The following PPP2R2B variants were observed in gnomAD, a reference collection of about 807,000 sequenced individuals.
PPP2R2B encodes serine/threonine-protein phosphatase 2A 55 kDa regulatory subunit B beta isoform.
PPP2R2B carries 5 observed loss-of-function variants against 46.0 expected under a neutral mutation model. The ratio of observed to expected loss-of-function variants is 0.11; its 90% CI spans 0.06 to 0.23. PPP2R2B has a LOEUF of 0.23. PPP2R2B is among the 10% of genes least tolerant of loss of function. The probability of loss-of-function intolerance (pLI) is 1.00; values close to 1 mark genes in which losing one functional copy is unlikely to be tolerated. For missense variants in PPP2R2B, 367 were observed against 575.0 expected (o/e 0.64, Z 3.70); for synonymous variants, 215 against 206.7 (o/e 1.04, Z -0.34).
chr5:146,928,028 C>T (rs1278211054), intron 1 of PPP2R2B, among the ~76,000 whole-genome samples: 1 of 152,160 alleles, frequency 6.6e-6, no homozygotes, highest in Non-Finnish European at 1.5e-5. Flanking sequence ...GCCTGAGCCA[C>T]CACACCTGAC....
At chr5:147,006,039 C>A (rs556493370) in intron 1 of PPP2R2B, among the ~76,000 whole-genome samples, 2 of 152,148 alleles carry the variant, frequency 1.3e-5, no homozygotes, top group Non-Finnish European at 2.9e-5. Context: ...CTTAACCCAG[C>A]AGGTTTCCTA....
intron 2 of PPP2R2B, among the ~76,000 whole-genome samples, chr5:146,722,600 T>C (rs1751599045): frequency 1.3e-5 from 2 of 152,274 alleles, no homozygotes; most frequent in South Asian, 4.1e-4. Context: ...CTAACAGAAG[T>C]AGGTGAAATC....
rs1304833109 is a variant in PPP2R2B at position 146,589,962 on chromosome 5, C to T, written c.1317G>A (p.Gln439=). The part of the protein sequence containing the change: ...VAATNNLYIF[Q]DKVN ...ACTTGTCCACCTAGTTAACCTTGTC[C>T]TGGAATATATATAGGTTATTTGTAG... Residue 439 remains glutamine (Q), a synonymous_variant, in exon 10 of 10, where the codon CAG becomes CAA. Coordinates refer to ENST00000394411, the MANE Select transcript of PPP2R2B (RefSeq NM_181675.4). 2 of 1,613,504 alleles carry T rather than the reference C, an allele frequency of 1.2e-6. No homozygotes were observed. Among genetic ancestry groups the T allele is most frequent in the Non-Finnish European group, 8.5e-7 (1 of 1,179,598 alleles).
chr5:146,954,756 ATGTGTGTG>A (rs149370877), intron 1 of PPP2R2B, among the ~76,000 whole-genome samples: 50 of 146,750 alleles, frequency 3.4e-4, no homozygotes, highest in East Asian at 1.0e-3. Flanking sequence ...ATGTGTATAT[ATGTGTGTG>A]TGTGTGTGTG....
At chr5:146,642,280 T>C (rs910349525) in intron 6 of PPP2R2B, among the ~76,000 whole-genome samples, 3 of 152,130 alleles carry the variant, frequency 2.0e-5, no homozygotes, top group African/African-American at 7.2e-5. Flanking sequence ...CCTTAAGGGA[T>C]CCACTTCAAA....
At position 146,858,030 on chromosome 5, in the gene PPP2R2B, A is replaced by G. The variant is rs572303029; in HGVS notation, c.70+19972T>C. Among the ~76,000 whole-genome samples the G allele has an allele frequency of 3.9e-5, 6 of 152,340 alleles. No homozygotes were observed. The East Asian group carries it at 1.2e-3, about 29-fold the overall frequency. On this transcript the variant is annotated intron_variant, in intron 2 of 9. Transcript: ENST00000394411. ...TAAAAATACAGCTTAACATTTAGCA[A>G]TTACTACCTACTATTTTCCTGGGAC... is the stretch of plus-strand genomic sequence containing the variant.
chr5:146,845,321 T>TGTTTTTA (rs1663887589), intron 2 of PPP2R2B, among the ~76,000 whole-genome samples: 1 of 57,764 alleles, frequency 1.7e-5, no homozygotes, highest in African/African-American at 4.8e-5. Context: ...TTTGTTTTTT[T>TGTTTTTA]TTGAGATGGA....
intron 2 of PPP2R2B, among the ~76,000 whole-genome samples, chr5:146,725,731 T>C (rs762473659): frequency 2.0e-5 from 3 of 152,214 alleles, no homozygotes; most frequent in Non-Finnish European, 2.9e-5. Flanking sequence ...TTTCACTTGT[T>C]AAAATAGTTA....
chr5:147,043,463 A>G (rs997979), intron 1 of PPP2R2B, among the ~76,000 whole-genome samples: 110,303 of 151,834 alleles, frequency 0.73, 40,489 homozygotes, highest in South Asian at 0.8. Flanking sequence ...AAGGAGAGAG[A>G]CCCTAGGAGA....
chr5:146,938,859 C>A (rs10065490), intron 1 of PPP2R2B, among the ~76,000 whole-genome samples: 1 of 140,686 alleles, frequency 7.1e-6, no homozygotes, highest in Non-Finnish European at 1.5e-5. Flanking sequence ...CAGCTCACTG[C>A]AACCTCCACC....
chr5:146,684,406 C>A (rs77859232), intron 5 of PPP2R2B, among the ~76,000 whole-genome samples: 1 of 152,176 alleles, frequency 6.6e-6, no homozygotes. Context: ...ACATAGGTAC[C>A]TCAGAGGGAG....
rs182355152 is a variant in PPP2R2B, at chr5:146,804,232, G to A, written c.70+73770C>T. Among the ~76,000 whole-genome samples the A allele has an allele frequency of 5.9e-5, 9 of 151,932 alleles. No homozygotes were observed. In the East Asian group the frequency reaches 1.7e-3, roughly 29 times the overall value. On this transcript the variant is annotated intron_variant, in intron 2 of 9. Coordinates refer to ENST00000394411, the MANE Select transcript of PPP2R2B (RefSeq NM_181675.4). ...ACATTTATTGAGCACTACTTCCTAT[G>A]CACTAGGCATTGTTATAGGCATTTT...
intron 2 of PPP2R2B, among the ~76,000 whole-genome samples, chr5:146,807,694 A>G (rs1757257930): frequency 6.8e-6 from 1 of 146,880 alleles, no homozygotes; most frequent in South Asian, 2.2e-4. Flanking sequence ...TTGAATACAG[A>G]TCTGACTCAC....
At chr5:146,603,497 A>G (rs964482941) in intron 7 of PPP2R2B, among the ~76,000 whole-genome samples, 1 of 152,234 alleles carries the variant, frequency 6.6e-6, no homozygotes, top group African/African-American at 2.4e-5. Context: ...ATGAAAGATG[A>G]CAATTCTTCA....
At position 146,754,823 on chromosome 5, in the gene PPP2R2B, T is replaced by C. The variant is rs193202549; in HGVS notation, c.71-53681A>G. Among the ~76,000 whole-genome samples the C allele has an allele frequency of 3.3e-5, 5 of 152,280 alleles. No individual in the cohort carries two copies. The East Asian group carries it at 9.7e-4, about 29-fold the overall frequency. On this transcript the variant is annotated intron_variant, in intron 2 of 9. Coordinates refer to ENST00000394411, the MANE Select transcript of PPP2R2B (RefSeq NM_181675.4). ...GACAGAAGACTCCAGGCAACAGCTG[T>C]GTTGGTGAGCCATGATGGAAGCACT...
intron 2 of PPP2R2B, among the ~76,000 whole-genome samples, chr5:146,783,222 T>C (rs1755642565): frequency 6.6e-6 from 1 of 152,182 alleles, no homozygotes; most frequent in African/African-American, 2.4e-5. Flanking sequence ...GAAGCATGCA[T>C]GGTCATAGTC....
intron 2 of PPP2R2B, among the ~76,000 whole-genome samples, chr5:146,834,700 G>C (rs60956270): frequency 0.021 from 3,248 of 151,086 alleles, 32 homozygotes; most frequent in Middle Eastern, 0.044. Flanking sequence ...TGAGTAAATT[G>C]TGTGTGTTGA....
intron 1 of PPP2R2B, among the ~76,000 whole-genome samples, chr5:146,962,170 C>T (rs1260824409): frequency 6.8e-6 from 1 of 147,660 alleles, no homozygotes; most frequent in Non-Finnish European, 1.5e-5. Flanking sequence ...TACTCTGAGC[C>T]CTAGAAACAC....
chr5:146,771,434 T>A (rs773422649), intron 2 of PPP2R2B, among the ~76,000 whole-genome samples: 1 of 152,224 alleles, frequency 6.6e-6, no homozygotes, highest in Non-Finnish European at 1.5e-5. Context: ...TCAGATCAAC[T>A]ACAAGTGAGC....
Sources: gnomAD v4.1 joint callset for allele counts (sites outside exome capture counted in the v4.1 genomes callset) on GRCh38, gnomAD v4.1.1 for gene constraint, MANE v1.5 for transcripts, NCBI Gene and HGNC (gene_info 2026-07-23, HGNC 2026-07-21) for gene names.